Variants in MDGA2 observed in about 807,000 individuals in gnomAD.
MDGA2 encodes MAM domain-containing glycosylphosphatidylinositol anchor protein 2.
MDGA2 carries 40 observed loss-of-function variants against 117.8 expected under a neutral mutation model. The ratio of observed to expected loss-of-function variants is 0.34; its 90% CI spans 0.26 to 0.44. The LOEUF is 0.44. Among genes scored for constraint, MDGA2 ranks in the 20% least tolerant of loss-of-function variants. The probability of loss-of-function intolerance (pLI) is 1.00; values close to 1 mark genes in which losing one functional copy is unlikely to be tolerated. For missense variants in MDGA2, 1,123 were observed against 1,250.6 expected, an observed-to-expected ratio of 0.90 and a Z score of 1.54; for synonymous variants, 452 against 439.0, an observed-to-expected ratio of 1.03 and a Z score of -0.37.
intron 3 of MDGA2, among the ~76,000 whole-genome samples, chr14:47,208,843 G>C (rs1885780499): frequency 1.3e-5 from 2 of 151,890 alleles, no homozygotes; most frequent in South Asian, 4.1e-4. Context: ...ATGAAATTTA[G>C]ATGTGAACAT....
At chr14:47,171,930 G>GT (rs71112490) in intron 3 of MDGA2, among the ~76,000 whole-genome samples, 565 of 152,294 alleles carry the variant, frequency 3.7e-3, no homozygotes, top group Non-Finnish European at 4.9e-3. Flanking sequence ...GGAATATCGG[G>GT]TCATTCCCAC....
intron 1 of MDGA2, among the ~76,000 whole-genome samples, chr14:47,475,226 G>A (rs1215330615): frequency 6.6e-6 from 1 of 151,876 alleles, no homozygotes; most frequent in African/African-American, 2.4e-5. Flanking sequence ...CATATTGAAG[G>A]TCAACTTCAC....
At chr14:47,156,684 A>G (rs1212254308) in intron 3 of MDGA2, among the ~76,000 whole-genome samples, 1 of 152,232 alleles carries the variant, frequency 6.6e-6, no homozygotes, top group Non-Finnish European at 1.5e-5. Context: ...AACCAAATTA[A>G]TCTGAAAACC....
At chr14:47,160,601 A>G (rs1462497680) in intron 3 of MDGA2, among the ~76,000 whole-genome samples, 2 of 152,166 alleles carry the variant, frequency 1.3e-5, no homozygotes, top group African/African-American at 2.4e-5. Flanking sequence ...TTGAGGCTGC[A>G]GTTGTGAGCC....
At chr14:47,100,232 G>A (rs1880224594) in intron 5 of MDGA2, among the ~76,000 whole-genome samples, 1 of 151,762 alleles carries the variant, frequency 6.6e-6, no homozygotes, top group African/African-American at 2.4e-5. Flanking sequence ...AAAGCTCATG[G>A]GCAAAAGGTA....
chr14:46,908,713 T>G (rs975424827), intron 10 of MDGA2, among the ~76,000 whole-genome samples: 1 of 152,224 alleles, frequency 6.6e-6, no homozygotes, highest in Non-Finnish European at 1.5e-5. Flanking sequence ...GGGTTATAAA[T>G]GTAGCCACTA....
chr14:47,564,633 G>A (rs977017268), intron 1 of MDGA2, among the ~76,000 whole-genome samples: 4 of 152,166 alleles, frequency 2.6e-5, no homozygotes, highest in African/African-American at 9.7e-5. Flanking sequence ...GATTTGGGTG[G>A]GGACACAGAG....
At chr14:46,879,334 A>G (rs1202948549) in intron 11 of MDGA2, among the ~76,000 whole-genome samples, 2 of 152,086 alleles carry the variant, frequency 1.3e-5, no homozygotes, top group Non-Finnish European at 2.9e-5. Flanking sequence ...CAGCCTCTAA[A>G]AGTGTGAGAA....
intron 1 of MDGA2, among the ~76,000 whole-genome samples, chr14:47,347,269 G>T (rs902026658): frequency 6.6e-6 from 1 of 152,190 alleles, no homozygotes; most frequent in Admixed American, 6.5e-5. Context: ...AGGGAAGAAC[G>T]TGTTAAGAAT....
intron 1 of MDGA2, among the ~76,000 whole-genome samples, chr14:47,395,766 T>C (rs1891994245): frequency 6.6e-6 from 1 of 152,130 alleles, no homozygotes; most frequent in Admixed American, 6.6e-5. Flanking sequence ...TGAGAATGAA[T>C]TCATACATAA....
At chr14:47,654,911 T>C (rs1897715522) in intron 1 of MDGA2, among the ~76,000 whole-genome samples, 1 of 152,052 alleles carries the variant, frequency 6.6e-6, no homozygotes, top group Non-Finnish European at 1.5e-5. Flanking sequence ...GAATATAATG[T>C]TGGATAAGAG....
intron 1 of MDGA2, among the ~76,000 whole-genome samples, chr14:47,454,115 A>T (rs1290980276): frequency 1.3e-5 from 2 of 152,182 alleles, no homozygotes; most frequent in African/African-American, 4.8e-5. Context: ...ACGGCCCCCA[A>T]TAGGGAGGTT....
intron 1 of MDGA2, among the ~76,000 whole-genome samples, chr14:47,452,914 C>T (rs1210180255): frequency 6.6e-6 from 1 of 152,024 alleles, no homozygotes; most frequent in Non-Finnish European, 1.5e-5. Context: ...CATCTGAGAC[C>T]ATGAGTCACA....
intron 8 of MDGA2, among the ~76,000 whole-genome samples, chr14:46,958,812 T>G (rs1319141396): frequency 6.6e-6 from 1 of 152,254 alleles, no homozygotes; most frequent in Non-Finnish European, 1.5e-5. Flanking sequence ...TCAGATAAAA[T>G]AGTCCACATG....
At chr14:46,875,499 AACTC>A (rs1470581917) in intron 12 of MDGA2, among the ~76,000 whole-genome samples, 1 of 151,728 alleles carries the variant, frequency 6.6e-6, no homozygotes, top group Non-Finnish European at 1.5e-5. Context: ...CTAAATAAAT[AACTC>A]AATAAATTTC....
chr14:47,565,122 T>A (rs1307126489), intron 1 of MDGA2, among the ~76,000 whole-genome samples: 1 of 152,208 alleles, frequency 6.6e-6, no homozygotes, highest in East Asian at 1.9e-4. Flanking sequence ...ATTTCAGCCA[T>A]TTCAGCCTAG....
chr14:47,614,522 G>C (rs1479913242), intron 1 of MDGA2, among the ~76,000 whole-genome samples: 1 of 152,146 alleles, frequency 6.6e-6, no homozygotes, highest in East Asian at 1.9e-4. Flanking sequence ...CTAACTCACA[G>C]ATAAATTATA....
chr14:47,550,650 T>C (rs1450589220), intron 1 of MDGA2, among the ~76,000 whole-genome samples: 1 of 152,070 alleles, frequency 6.6e-6, no homozygotes, highest in African/African-American at 2.4e-5. Flanking sequence ...CACTTTTAAA[T>C]TCACTATCCT....
At chr14:47,039,181 T>A (rs1888971738) in intron 7 of MDGA2, among the ~76,000 whole-genome samples, 1 of 152,210 alleles carries the variant, frequency 6.6e-6, no homozygotes, top group Non-Finnish European at 1.5e-5. Flanking sequence ...TACGTGTTGA[T>A]AATAACAAAT....
Sources: allele counts gnomAD v4.1 joint callset (sites outside exome capture counted in the v4.1 genomes callset), GRCh38; gene constraint gnomAD v4.1.1; transcripts MANE v1.5; gene names NCBI Gene and HGNC (gene_info 2026-07-23, HGNC 2026-07-21).